The following GRIP1 variants were observed in gnomAD, a reference collection of about 807,000 sequenced individuals.
GRIP1 encodes glutamate receptor-interacting protein 1.
Under a neutral mutation model 129.9 loss-of-function variants are expected in GRIP1, and 45 were observed. The observed-to-expected ratio is 0.35, with a 90% CI of 0.27 to 0.44. The LOEUF (loss-of-function observed/expected upper bound fraction) is 0.44, where lower values mean the gene tolerates loss of function less well. Ranked by LOEUF, GRIP1 falls within the 20% of genes least tolerant of loss-of-function variation. The pLI is 1.00. For synonymous variants in GRIP1, 530 were observed against 520.8 expected, an observed-to-expected ratio of 1.02 and a Z score of -0.24; for missense variants, 1,196 against 1,396.8, an observed-to-expected ratio of 0.86 and a Z score of 2.29.
At chr12:66,446,050 T>C (rs757857924) in intron 11 of GRIP1, among the ~76,000 whole-genome samples, 12 of 152,124 alleles carry the variant, frequency 7.9e-5, no homozygotes, top group Non-Finnish European at 1.3e-4. Context: ...AATCTAGTGT[T>C]GGGTTGGCAT....
At chr12:66,781,649 A>G (rs1257379593) in intron 1 of GRIP1, among the ~76,000 whole-genome samples, 1 of 152,214 alleles carries the variant, frequency 6.6e-6, no homozygotes, top group Admixed American at 6.5e-5. Flanking sequence ...ATAATTATGC[A>G]AGAACAATAG....
chr12:66,397,890 A>C (rs2056853513), intron 16 of GRIP1, among the ~76,000 whole-genome samples: 1 of 152,200 alleles, frequency 6.6e-6, no homozygotes. Context: ...AGCCTTTGAA[A>C]AAGAAAATAA....
chr12:66,515,635 A>G lies in GRIP1; in HGVS notation c.708T>C (p.Tyr236=), dbSNP rs775821746. ...CCAACATACCCATTACTGAGACATC[A>G]TATTCTATCAGCAGTGCTGCTTCTT... The part of the protein sequence containing the change: ...CGQEAALLIE[Y]DVSVMDSVAT... Residue 236 remains tyrosine (Y), a synonymous_variant, in exon 7 of 25, where the codon TAT becomes TAC. Coordinates refer to ENST00000359742, the MANE Select transcript of GRIP1 (RefSeq NM_001366722.1). 1.2e-6 allele frequency: 2 copies of G among 1,613,514 alleles called. No homozygotes were observed. Among genetic ancestry groups the G allele is most frequent in the Admixed American group, 3.3e-5 (2 of 60,002 alleles).
intron 1 of GRIP1, among the ~76,000 whole-genome samples, chr12:66,670,436 T>C (rs2034023835): frequency 6.6e-6 from 1 of 152,182 alleles, no homozygotes; most frequent in African/African-American, 2.4e-5. Context: ...AATGATCCAC[T>C]GGAAATCCTA....
At chr12:66,515,370 G>A (rs1213096130) in intron 7 of GRIP1, among the ~76,000 whole-genome samples, 1 of 152,128 alleles carries the variant, frequency 6.6e-6, no homozygotes, top group African/African-American at 2.4e-5. Context: ...TAGAAGAGCT[G>A]ATTGCTAGGT....
intron 13 of GRIP1, among the ~76,000 whole-genome samples, chr12:66,438,946 A>T (rs769275380): frequency 1.3e-5 from 2 of 152,160 alleles, no homozygotes; most frequent in Non-Finnish European, 2.9e-5. Flanking sequence ...ATAAACATAC[A>T]ATATAAGGTC....
At chr12:66,424,305 A>G (rs2057910681) in intron 14 of GRIP1, among the ~76,000 whole-genome samples, 1 of 152,212 alleles carries the variant, frequency 6.6e-6, no homozygotes, top group African/African-American at 2.4e-5. Flanking sequence ...TTACTTTTTA[A>G]AATGTATTTT....
chr12:66,735,545 G>A (rs776783712), intron 1 of GRIP1, among the ~76,000 whole-genome samples: 3 of 152,008 alleles, frequency 2.0e-5, no homozygotes, highest in Non-Finnish European at 4.4e-5. Context: ...ATTCTAAGAC[G>A]GCTTTATGAC....
chr12:66,826,657 T>C (rs2039419030), intron 1 of GRIP1, among the ~76,000 whole-genome samples: 1 of 151,796 alleles, frequency 6.6e-6, no homozygotes, highest in Admixed American at 6.6e-5. Flanking sequence ...CTACATAAAT[T>C]AGATGAAAAT....
intron 1 of GRIP1, among the ~76,000 whole-genome samples, chr12:66,799,002 G>C (rs1308786447): frequency 6.6e-6 from 1 of 152,132 alleles, no homozygotes; most frequent in Non-Finnish European, 1.5e-5. Flanking sequence ...GTGGGGATGA[G>C]AGGTGAAGGA....
intron 1 of GRIP1, among the ~76,000 whole-genome samples, chr12:66,912,461 C>A (rs562803335): frequency 6.6e-6 from 1 of 152,000 alleles, no homozygotes; most frequent in Non-Finnish European, 1.5e-5. Context: ...CTTTGATCTT[C>A]CTGGCAGCCT....
intron 11 of GRIP1, among the ~76,000 whole-genome samples, chr12:66,452,123 C>G (rs1268690759): frequency 6.6e-6 from 1 of 152,246 alleles, no homozygotes; most frequent in East Asian, 1.9e-4. Flanking sequence ...AGTCTCTACA[C>G]TGGCCCAGGG....
intron 15 of GRIP1, among the ~76,000 whole-genome samples, chr12:66,414,840 T>C (rs1181427914): frequency 6.6e-6 from 1 of 151,490 alleles, no homozygotes; most frequent in African/African-American, 2.4e-5. Context: ...AAACAAGCAA[T>C]GGGAAAAGGA....
intron 2 of GRIP1, chr12:66,568,459 T>G (rs1455288529): frequency 1.2e-5 from 2 of 171,376 alleles, no homozygotes; most frequent in African/African-American, 2.4e-5. Context: ...AACGCTCTTA[T>G]GCTCCTCCAT....
chr12:66,503,507 C>G (rs2060446624), intron 7 of GRIP1, among the ~76,000 whole-genome samples: 1 of 152,122 alleles, frequency 6.6e-6, no homozygotes, highest in Admixed American at 6.5e-5. Flanking sequence ...TCCTTTCTTT[C>G]CCGTTCTAAA....
intron 1 of GRIP1, among the ~76,000 whole-genome samples, chr12:66,983,877 A>G (rs1319902714): frequency 1.3e-5 from 2 of 152,116 alleles, no homozygotes. Flanking sequence ...TTTTTGCACA[A>G]TGGCATATCT....
intron 2 of GRIP1, among the ~76,000 whole-genome samples, chr12:66,548,343 G>T (rs1347844815): frequency 3.3e-5 from 5 of 152,176 alleles, no homozygotes; most frequent in Admixed American, 2.0e-4. Flanking sequence ...TCTGCCCTAG[G>T]ACTTTATCTT....
intron 1 of GRIP1, among the ~76,000 whole-genome samples, chr12:66,896,980 C>T (rs1363491189): frequency 6.6e-6 from 1 of 152,236 alleles, no homozygotes; most frequent in African/African-American, 2.4e-5. Context: ...CAGTGTCACA[C>T]AGTGGTTACA....
intron 1 of GRIP1, among the ~76,000 whole-genome samples, chr12:67,015,330 G>A (rs573229341): frequency 1.6e-4 from 24 of 152,236 alleles, no homozygotes; most frequent in African/African-American, 5.5e-4. Flanking sequence ...GCTCTTTCAC[G>A]CTAAAATATA....
Sources: gnomAD v4.1 joint callset for allele counts (sites outside exome capture counted in the v4.1 genomes callset) on GRCh38, gnomAD v4.1.1 for gene constraint, MANE v1.5 for transcripts, NCBI Gene and HGNC (gene_info 2026-07-23, HGNC 2026-07-21) for gene names.